The following CACNA2D2 variants were observed in gnomAD, a reference collection of about 807,000 sequenced individuals.
CACNA2D2 encodes the protein voltage-dependent calcium channel subunit alpha-2/delta-2.
A neutral mutation model predicts 166.4 loss-of-function variants in CACNA2D2; 48 were observed. That is an observed-to-expected ratio of 0.29 (90% CI 0.23 to 0.37). The LOEUF is 0.37. Among genes scored for constraint, CACNA2D2 ranks in the 10% least tolerant of loss-of-function variants. CACNA2D2 has a pLI of 1.00. For synonymous variants in CACNA2D2, 561 were observed against 573.7 expected (o/e 0.98, Z 0.32); for missense variants, 1,122 against 1,433.0 (o/e 0.78, Z 3.50).
At chr3:50,435,438 A>T (rs966401762) in intron 2 of CACNA2D2, among the ~76,000 whole-genome samples, 8 of 151,910 alleles carry the variant, frequency 5.3e-5, no homozygotes, top group Admixed American at 1.3e-4. Flanking sequence ...TCACCACCAG[A>T]GGTCACAGAA....
chr3:50,408,501 G>C (rs1249923404), intron 3 of CACNA2D2, among the ~76,000 whole-genome samples: 1 of 152,184 alleles, frequency 6.6e-6, no homozygotes, highest in Non-Finnish European at 1.5e-5. Context: ...GGCACAGCCT[G>C]GCTGCCAGGT....
chr3:50,498,119 G>A (rs1300298198), intron 1 of CACNA2D2, among the ~76,000 whole-genome samples: 2 of 152,248 alleles, frequency 1.3e-5, no homozygotes, highest in East Asian at 1.9e-4. Flanking sequence ...GTAGGTGGCT[G>A]GAAGGGGGAA....
chr3:50,365,296 G>C lies in CACNA2D2; in HGVS notation c.3098+60C>G, dbSNP rs957799016. On this transcript the variant is annotated intron_variant, in intron 35 of 37. Transcript: ENST00000424201. This position sits in a 1 kb window ranked among gnomAD's most constrained non-coding sequence, Gnocchi z 4.5. ...GGCCCCGCCCCTTCCATCCTCCCGA[G>C]CGTCTCGCCCCGCTCACAGGTTCCG... is the stretch of plus-strand genomic sequence containing the variant. The C allele has an allele frequency of 7.5e-6, 11 of 1,475,520 alleles. No individual in the cohort carries two copies. Among genetic ancestry groups the C allele is most frequent in the Non-Finnish European group, 1.0e-5 (11 of 1,098,186 alleles). The allele number at this position is 1,475,520 out of a possible 1,614,324, so 91.4% of individuals were successfully genotyped here.
At position 50,378,946 on chromosome 3, in the gene CACNA2D2, T is replaced by C; in HGVS notation, c.1308A>G (p.Thr436=). ...TGGCACAGGCCATCCACTGCAGCGG[T>C]GTGACGTCATAGTTATGCTGCCCCA... ...FSVGQHNYDV[T]PLQWMACANK... is the part of the protein sequence containing the mutation. Residue 436 remains threonine, a synonymous_variant, in exon 13 of 38, where the codon ACA becomes ACG. Transcript: ENST00000424201. The C allele has an allele frequency of 6.2e-7, 1 of 1,613,870 alleles. No homozygotes were observed. The highest frequency in any genetic ancestry group is 1.7e-4 in the Middle Eastern group (1 of 6,060).
At chr3:50,431,499 G>A (rs980390007) in intron 3 of CACNA2D2, among the ~76,000 whole-genome samples, 1 of 152,172 alleles carries the variant, frequency 6.6e-6, no homozygotes, top group African/African-American at 2.4e-5. Flanking sequence ...AGGGAGACCT[G>A]AGTTCAAATC....
At chr3:50,430,663 G>T (rs1426252240) in intron 3 of CACNA2D2, among the ~76,000 whole-genome samples, 1 of 152,146 alleles carries the variant, frequency 6.6e-6, no homozygotes, top group African/African-American at 2.4e-5. Context: ...TGAGGGGGTG[G>T]TCTTCCTGAG....
At chr3:50,476,390 G>A (rs139071875) in intron 1 of CACNA2D2, among the ~76,000 whole-genome samples, 191 bp from the exon 2 acceptor site, 1 of 152,362 alleles carries the variant, frequency 6.6e-6, no homozygotes, top group East Asian at 1.9e-4. Context: ...TGGCCCAGGT[G>A]CTCCTCATGC....
intron 2 of CACNA2D2, among the ~76,000 whole-genome samples, chr3:50,454,411 C>G (rs1709255657): frequency 6.6e-6 from 1 of 152,192 alleles, no homozygotes. Context: ...GGGGCCCCCA[C>G]AACAGCCCCC....
At chr3:50,411,510 G>A (rs924019906) in intron 3 of CACNA2D2, among the ~76,000 whole-genome samples, 4 of 152,304 alleles carry the variant, frequency 2.6e-5, no homozygotes, top group Admixed American at 2.0e-4. Context: ...GAAATCTTGT[G>A]CGCCAGCTCC....
At chr3:50,394,927 G>A (rs996149978) in intron 3 of CACNA2D2, among the ~76,000 whole-genome samples, 6 of 152,200 alleles carry the variant, frequency 3.9e-5, no homozygotes, top group African/African-American at 7.2e-5. Context: ...GACAGGAAGC[G>A]CAGTGCTGTG....
At chr3:50,476,974 G>C (rs1281180811) in intron 1 of CACNA2D2, among the ~76,000 whole-genome samples, 1 of 145,734 alleles carries the variant, frequency 6.9e-6, no homozygotes, top group Non-Finnish European at 1.5e-5. Context: ...CTGTCGCCCA[G>C]GCTGGAGTGC....
chr3:50,490,171 T>A (rs1226379383), intron 1 of CACNA2D2, among the ~76,000 whole-genome samples: 1 of 152,150 alleles, frequency 6.6e-6, no homozygotes, highest in African/African-American at 2.4e-5. Context: ...GGAAGCCAGG[T>A]GATCTCCCTG....
intron 1 of CACNA2D2, among the ~76,000 whole-genome samples, chr3:50,489,595 G>C (rs1486179703): frequency 6.7e-6 from 1 of 148,274 alleles, no homozygotes; most frequent in Non-Finnish European, 1.5e-5. Flanking sequence ...GACAGCGGTG[G>C]GGCTGCCGGG....
At chr3:50,485,666 T>C (rs1269329445) in intron 1 of CACNA2D2, among the ~76,000 whole-genome samples, 2 of 152,202 alleles carry the variant, frequency 1.3e-5, no homozygotes, top group Non-Finnish European at 2.9e-5. Flanking sequence ...CAGGCACACA[T>C]GGTAACAGTC....
chr3:50,451,501 C>G (rs1234307416), intron 2 of CACNA2D2, among the ~76,000 whole-genome samples: 1 of 152,194 alleles, frequency 6.6e-6, no homozygotes, highest in East Asian at 1.9e-4. Context: ...GAAGTTCAGG[C>G]CCCTGAACCC....
chr3:50,469,563 C>T (rs1233526852), intron 2 of CACNA2D2, among the ~76,000 whole-genome samples: 1 of 152,178 alleles, frequency 6.6e-6, no homozygotes, highest in Non-Finnish European at 1.5e-5. Context: ...AGACACCCCA[C>T]ACTTACGCAG....
At chr3:50,417,405 G>A (rs1408763140) in intron 3 of CACNA2D2, among the ~76,000 whole-genome samples, 3 of 152,234 alleles carry the variant, frequency 2.0e-5, no homozygotes, top group African/African-American at 7.2e-5. Context: ...CCTTGCTTGT[G>A]AACTCTAAAG....
Position 50,363,494 on chromosome 3 carries a change from A to G in CACNA2D2, c.*1172T>C. The stretch of plus-strand genomic sequence containing the variant: ...TGTGTGTGTGTGTGTGTGTGTGTTC[A>G]GCAAGGGAGGGACAGTTTGGCCTCC... On this transcript the variant is annotated 3_prime_UTR_variant, in exon 38 of 38. Transcript: ENST00000424201. The G allele has an allele frequency of 2.7e-6, 1 of 365,672 alleles. No individual in the cohort carries two copies. 22.7% of individuals were successfully genotyped at this position (365,672 alleles called of 1,614,324 possible).
intron 1 of CACNA2D2, among the ~76,000 whole-genome samples, chr3:50,486,418 G>A (rs2107138382): frequency 6.6e-6 from 1 of 151,938 alleles, no homozygotes. Context: ...CCCAGCATGA[G>A]TCAAATCCTC....
Sources: gnomAD v4.1 joint callset for allele counts (sites outside exome capture counted in the v4.1 genomes callset) on GRCh38, gnomAD v4.1.1 for gene constraint, Gnocchi (gnomAD v3.1) non-coding constraint, MANE v1.5 for transcripts, NCBI Gene and HGNC (gene_info 2026-07-23, HGNC 2026-07-21) for gene names.